Variants in PDZRN4 observed in about 807,000 individuals in gnomAD.
PDZRN4 encodes the protein PDZ domain-containing RING finger protein 4.
A neutral mutation model predicts 99.0 loss-of-function variants in PDZRN4; 70 were observed. The ratio of observed to expected loss-of-function variants is 0.71; its 90% CI spans 0.58 to 0.86. PDZRN4 has a LOEUF of 0.86. PDZRN4 is among the 40% of genes least tolerant of loss of function. The probability of loss-of-function intolerance (pLI) is 0.00; values close to 1 mark genes in which losing one functional copy is unlikely to be tolerated. For synonymous variants in PDZRN4, 551 were observed against 501.6 expected (o/e 1.10, Z -1.32); for missense variants, 1,474 against 1,331.2 (o/e 1.11, Z -1.67).
chr12:41,361,055 A>T (rs1204508578), intron 3 of PDZRN4, among the ~76,000 whole-genome samples: 1 of 152,006 alleles, frequency 6.6e-6, no homozygotes, highest in East Asian at 1.9e-4. Flanking sequence ...ATATTTATAC[A>T]TCTTACACAG....
At chr12:41,211,220 T>A (rs1392896971) in intron 3 of PDZRN4, among the ~76,000 whole-genome samples, 1 of 151,996 alleles carries the variant, frequency 6.6e-6, no homozygotes, top group Non-Finnish European at 1.5e-5. Context: ...CTTTTGTCCC[T>A]GAGGGGGAAA....
rs117846178 is a variant in PDZRN4, at chr12:41,357,823, C to T, written c.844-148633C>T. Among the ~76,000 whole-genome samples the T allele has an allele frequency of 9.2e-3, 1,404 of 152,096 alleles. 14 individuals carry two copies. Among genetic ancestry groups the T allele is most frequent in the Middle Eastern group, 0.034 (10 of 294 alleles). On this transcript the variant is annotated intron_variant, in intron 3 of 9. Coordinates refer to ENST00000402685, the MANE Select transcript of PDZRN4 (RefSeq NM_001164595.2). The stretch of plus-strand genomic sequence containing the variant: ...TGTTCCAGTACCCAGCTATTAGATA[C>T]AAGATCAGTCTCTGAATTGTTCCTG...
At chr12:41,384,037 C>T (rs1952146826) in intron 3 of PDZRN4, among the ~76,000 whole-genome samples, 1 of 111,730 alleles carries the variant, frequency 9.0e-6, no homozygotes, top group East Asian at 3.0e-4. Flanking sequence ...GAATCTCTGT[C>T]TGTCGCCCAG....
intron 5 of PDZRN4, among the ~76,000 whole-genome samples, chr12:41,548,099 T>G (rs1938988858): frequency 2.6e-5 from 4 of 152,380 alleles, no homozygotes; most frequent in Middle Eastern, 6.8e-3. Flanking sequence ...AGAAATGTGA[T>G]TTAATTATTA....
chr12:41,504,247 A>G (rs1465059203), intron 3 of PDZRN4, among the ~76,000 whole-genome samples: 1 of 152,098 alleles, frequency 6.6e-6, no homozygotes, highest in Non-Finnish European at 1.5e-5. Flanking sequence ...CAGCCTGGGC[A>G]ACAGAGCAAG....
intron 3 of PDZRN4, among the ~76,000 whole-genome samples, chr12:41,275,601 C>A (rs756336402): frequency 6.6e-6 from 1 of 151,950 alleles, no homozygotes; most frequent in Non-Finnish European, 1.5e-5. Context: ...CTGTGCTAGG[C>A]GGTTGGTGTA....
chr12:41,475,127 T>C (rs1953028770), intron 3 of PDZRN4, among the ~76,000 whole-genome samples: 1 of 152,182 alleles, frequency 6.6e-6, no homozygotes, highest in Non-Finnish European at 1.5e-5. Context: ...CTAGGTTCTC[T>C]CATCCCTTTG....
At chr12:41,547,153 A>G (rs939380027) in intron 5 of PDZRN4, among the ~76,000 whole-genome samples, 1 of 149,702 alleles carries the variant, frequency 6.7e-6, no homozygotes. Flanking sequence ...TACAACAAGC[A>G]AAATAGAGAA....
intron 3 of PDZRN4, among the ~76,000 whole-genome samples, chr12:41,494,204 A>C (rs1046411006): frequency 9.2e-5 from 14 of 152,126 alleles, no homozygotes; most frequent in Non-Finnish European, 1.8e-4. Flanking sequence ...ATAGGAGAAT[A>C]AACTTCCCAT....
chr12:41,450,856 A>G (rs1952768780), intron 3 of PDZRN4, among the ~76,000 whole-genome samples: 1 of 152,138 alleles, frequency 6.6e-6, no homozygotes, highest in Admixed American at 6.6e-5. Flanking sequence ...TGAGGCTGGG[A>G]TATCCAGGCT....
At chr12:41,396,244 A>T (rs773256611) in intron 3 of PDZRN4, among the ~76,000 whole-genome samples, 2 of 152,108 alleles carry the variant, frequency 1.3e-5, no homozygotes, top group African/African-American at 4.8e-5. Context: ...TCTAGTTTCC[A>T]ATGATATTTA....
chr12:41,300,540 C>T (rs930649903), intron 3 of PDZRN4, among the ~76,000 whole-genome samples: 1 of 151,886 alleles, frequency 6.6e-6, no homozygotes, highest in African/African-American at 2.4e-5. Context: ...AGAAATATTT[C>T]ATAATATGTA....
intron 5 of PDZRN4, among the ~76,000 whole-genome samples, chr12:41,535,438 G>T (rs2013305285): frequency 6.6e-6 from 1 of 152,172 alleles, no homozygotes; most frequent in South Asian, 2.1e-4. Context: ...GTGTGAATTT[G>T]AACTGCAAAC....
chr12:41,422,498 C>T (rs901717323), intron 3 of PDZRN4, among the ~76,000 whole-genome samples: 4 of 152,164 alleles, frequency 2.6e-5, no homozygotes, highest in African/African-American at 9.7e-5. Flanking sequence ...GTTTAATTGA[C>T]TCACAGTTCC....
intron 3 of PDZRN4, among the ~76,000 whole-genome samples, chr12:41,468,945 G>A (rs1361965231): frequency 6.6e-6 from 1 of 151,730 alleles, no homozygotes; most frequent in Non-Finnish European, 1.5e-5. Flanking sequence ...GTAGGTGGAA[G>A]TTGCAGTGAG....
Position 41,188,967 on chromosome 12 carries a change from A to C in PDZRN4, c.512A>C (p.Glu171Ala). The change falls in exon 1 of 10, where the codon GAG (glutamate) becomes GCG (alanine). Residue 171 changes from glutamate to alanine, a missense_variant. Glu to Ala is a moderately radical substitution (Grantham distance 107, BLOSUM62 -1). Coordinates refer to ENST00000402685, the MANE Select transcript of PDZRN4 (RefSeq NM_001164595.2). ...GPRVLAWRRR[E>A]KALLAQLWAL... ...CGGGTCCTCGCCTGGAGGCGGCGCG[A>C]GAAGGCGCTGCTGGCGCAGCTCTGG... 4 of 1,465,184 alleles carry C rather than the reference A, an allele frequency of 2.7e-6. No individual in the cohort carries two copies. Among genetic ancestry groups the C allele is most frequent in the Non-Finnish European group, 1.8e-6 (2 of 1,109,706 alleles). The allele number at this position is 1,465,184 out of a possible 1,614,324, so 90.8% of individuals were successfully genotyped here.
chr12:41,517,102 G>C (rs1938413902), intron 5 of PDZRN4, among the ~76,000 whole-genome samples: 3 of 151,996 alleles, frequency 2.0e-5, no homozygotes, highest in African/African-American at 7.2e-5. Context: ...ATTTGTTCAT[G>C]TAATTTCATA....
intron 3 of PDZRN4, among the ~76,000 whole-genome samples, chr12:41,283,881 T>C (rs1338109507): frequency 2.6e-5 from 4 of 152,204 alleles, no homozygotes; most frequent in Non-Finnish European, 5.9e-5. Context: ...GAGCTATTTA[T>C]GACAGACCCA....
At chr12:41,353,865 A>G (rs1397062142) in intron 3 of PDZRN4, among the ~76,000 whole-genome samples, 2 of 152,068 alleles carry the variant, frequency 1.3e-5, no homozygotes, top group African/African-American at 4.8e-5. Context: ...AGAGTTTAGG[A>G]TGAGATTATG....
Sources: allele counts gnomAD v4.1 joint callset (sites outside exome capture counted in the v4.1 genomes callset), GRCh38; gene constraint gnomAD v4.1.1; transcripts MANE v1.5; gene names NCBI Gene and HGNC (gene_info 2026-07-23, HGNC 2026-07-21).